TMIGD3: variants seen among roughly 807,000 people sequenced by gnomAD.
TMIGD3 encodes the protein AD026 protein (AD026).
Under a neutral mutation model 28.1 loss-of-function variants are expected in TMIGD3, and 21 were observed. That is an observed-to-expected ratio of 0.75 (90% confidence interval 0.53 to 1.08). The LOEUF (loss-of-function observed/expected upper bound fraction) is 1.08. Ranked by LOEUF, TMIGD3 falls within the 50% of genes least tolerant of loss-of-function variation. TMIGD3 has a pLI of 0.00. For synonymous variants in TMIGD3, 151 were observed against 162.1 expected (o/e 0.93, Z 0.52); for missense variants, 416 against 435.6 (o/e 0.96, Z 0.40).
chr1:111,527,109 T>C (rs1403629686), intron 1 of TMIGD3, among the ~76,000 whole-genome samples: 1 of 149,302 alleles, frequency 6.7e-6, no homozygotes, highest in Non-Finnish European at 1.5e-5. Flanking sequence ...CTCCTGGGTT[T>C]AAGTGATTCT....
At chr1:111,528,004 A>G (rs539947645) in intron 1 of TMIGD3, among the ~76,000 whole-genome samples, 1 of 152,124 alleles carries the variant, frequency 6.6e-6, no homozygotes, top group Non-Finnish European at 1.5e-5. Flanking sequence ...TTTTTTTGTA[A>G]TGAAGTCTAG....
At chr1:111,493,754 C>T (rs1373089322) in intron 1 of TMIGD3, among the ~76,000 whole-genome samples, 1 of 152,200 alleles carries the variant, frequency 6.6e-6, no homozygotes, top group Non-Finnish European at 1.5e-5. Flanking sequence ...CCCACATTCA[C>T]ACAGCTAGTA....
intron 1 of TMIGD3, among the ~76,000 whole-genome samples, chr1:111,533,067 G>A (rs1047109519): frequency 6.6e-6 from 1 of 152,134 alleles, no homozygotes; most frequent in Non-Finnish European, 1.5e-5. Flanking sequence ...CAGAATATCT[G>A]GTCTCAGGAT....
At chr1:111,497,871 G>A (rs914389724) in intron 1 of TMIGD3, among the ~76,000 whole-genome samples, 6 of 152,170 alleles carry the variant, frequency 3.9e-5, no homozygotes, top group Non-Finnish European at 5.9e-5. Context: ...GTGTATCTAC[G>A]TTAGAAGCTG....
intron 1 of TMIGD3, among the ~76,000 whole-genome samples, chr1:111,511,235 TC>T (rs1327178820): frequency 6.6e-6 from 1 of 152,228 alleles, no homozygotes; most frequent in Non-Finnish European, 1.5e-5. Flanking sequence ...GCTGGTAAAC[TC>T]CTTAAATGTA....
At chr1:111,535,668 C>T (rs576648536) in intron 1 of TMIGD3, among the ~76,000 whole-genome samples, 5 of 152,292 alleles carry the variant, frequency 3.3e-5, no homozygotes, top group Admixed American at 2.0e-4. Context: ...AAAACATGTG[C>T]CAATGAGGGC....
At chr1:111,485,435 G>T in intron 5 of TMIGD3, 1 of 301,426 alleles carries the variant, frequency 3.3e-6, no homozygotes, top group Non-Finnish European at 6.2e-6. Context: ...GGAGCCCGAA[G>T]TTTGTGTGCT....
intron 1 of TMIGD3, chr1:111,500,128 G>A: frequency 1.2e-6 from 2 of 1,614,032 alleles, no homozygotes; most frequent in Non-Finnish European, 1.7e-6. Flanking sequence ...CACAAGCTGT[G>A]GTACCTCACC....
intron 1 of TMIGD3, among the ~76,000 whole-genome samples, chr1:111,529,903 G>A (rs1163142148): frequency 1.8e-4 from 26 of 148,566 alleles, no homozygotes; most frequent in African/African-American, 4.9e-4. Flanking sequence ...CAGACGGGGC[G>A]GCTGGCCGGG....
chr1:111,544,557 T>A (rs1216604313), intron 1 of TMIGD3, among the ~76,000 whole-genome samples: 1 of 152,164 alleles, frequency 6.6e-6, no homozygotes, highest in Non-Finnish European at 1.5e-5. Flanking sequence ...ATTTTTGTAG[T>A]TGAATAACGT....
intron 1 of TMIGD3, among the ~76,000 whole-genome samples, chr1:111,502,286 A>G (rs62642597): frequency 0.48 from 9,107 of 19,034 alleles, 3,271 homozygotes; most frequent in Middle Eastern, 0.55. Context: ...TCATTATAAT[A>G]AATATATAGG....
At chr1:111,529,975 T>A (rs12096270) in intron 1 of TMIGD3, among the ~76,000 whole-genome samples, 2 of 113,892 alleles carry the variant, frequency 1.8e-5, no homozygotes, top group Non-Finnish European at 3.8e-5. Context: ...ACCTCCCGGA[T>A]GGGGCGGCTG....
At chr1:111,507,195 G>C (rs1012262904), upstream of TMIGD3, among the ~76,000 whole-genome samples, 2 of 151,864 alleles carry the variant, frequency 1.3e-5, no homozygotes, top group Non-Finnish European at 2.9e-5. Flanking sequence ...GCTGAGGTGA[G>C]AGGATTGCTT....
intron 1 of TMIGD3, among the ~76,000 whole-genome samples, chr1:111,537,236 A>G (rs72975058): frequency 0.011 from 1,624 of 152,284 alleles, 25 homozygotes; most frequent in African/African-American, 0.037. Flanking sequence ...CTAGCACAAG[A>G]CTGTCCAAAT....
intron 1 of TMIGD3, among the ~76,000 whole-genome samples, chr1:111,537,215 G>A (rs1463551074): frequency 6.6e-6 from 1 of 152,080 alleles, no homozygotes; most frequent in East Asian, 1.9e-4. Flanking sequence ...CTCCTCCCAG[G>A]GCACTCACTT....
In TMIGD3 at chr1:111,488,787, C is replaced by T. The variant is rs1034184530; in HGVS notation, c.695G>A (p.Trp232Ter). ...GTCCCGCTGGATGCCACACCAGTACCAGCCCGTGTCCTCTTTGGTCAGGCA... is the reference window on the plus strand; with the variant it reads ...GTCCCGCTGGATGCCACACCAGTACTAGCCCGTGTCCTCTTTGGTCAGGCA... ...MSCLTKEDTG[W>*]YWCGIQRDFA... Residue 232 changes from tryptophan to a stop codon, truncating the protein, a stop_gained, in exon 3 of 6, where the codon TGG becomes TAG. Transcript: ENST00000369716. LOFTEE classifies it high-confidence loss of function. The T allele has an allele frequency of 1.1e-5, 18 of 1,614,054 alleles. No individual in the cohort carries two copies. In the Admixed American group the frequency reaches 1.5e-4, roughly 13 times the overall value.
Position 111,554,095 on chromosome 1 carries a change from C to T in TMIGD3, c.107+9751G>A, listed in dbSNP as rs952794736. ...GATTTAGATCCCCACCACTTATTAG[C>T]TATGTGGCCTTGGGCTTATTACTTA... is the stretch of plus-strand genomic sequence containing the variant. On this transcript the variant is annotated intron_variant, in intron 1 of 5. Coordinates refer to the TMIGD3 transcript ENST00000369717. Among the ~76,000 whole-genome samples the T allele has an allele frequency of 2.6e-5, 4 of 152,360 alleles. No individual in the cohort carries two copies. In the South Asian group the frequency reaches 6.2e-4, roughly 24 times the overall value.
chr1:111,542,094 T>G, intron 1 of TMIGD3: 2 of 212,984 alleles, frequency 9.4e-6, no homozygotes, highest in East Asian at 2.6e-4. Flanking sequence ...GCTTTTTTTT[T>G]TTTTTTGAAG....
chr1:111,485,519 A>G (rs1394352428), intron 5 of TMIGD3: 1 of 473,688 alleles, frequency 2.1e-6, no homozygotes, highest in Non-Finnish European at 3.8e-6. Flanking sequence ...TGACCTACAC[A>G]TGTATCCACT....
Sources: gnomAD v4.1 joint callset for allele counts (sites outside exome capture counted in the v4.1 genomes callset) on GRCh38, gnomAD v4.1.1 for gene constraint, MANE v1.5 for transcripts, NCBI Gene and HGNC (gene_info 2026-07-23, HGNC 2026-07-21) for gene names.